The following QTMAN variants were observed in gnomAD, a reference collection of about 807,000 sequenced individuals.
The protein encoded by QTMAN is tRNA-queuosine alpha-mannosyltransferase.
the QTMAN span, among the ~76,000 whole-genome samples, chr2:144,230,881 C>A: frequency 6.6e-6 from 1 of 152,070 alleles, no homozygotes; most frequent in South Asian, 2.1e-4. Flanking sequence ...ATGAAGCTAA[C>A]TCAAAAAGCT....
At chr2:143,996,860 T>C in the QTMAN span, among the ~76,000 whole-genome samples, 21 of 152,044 alleles carry the variant, frequency 1.4e-4, no homozygotes. Context: ...GGGAAAGAAA[T>C]GACAAGAGTT....
At chr2:143,986,740 T>G in the QTMAN span, among the ~76,000 whole-genome samples, 2 of 152,284 alleles carry the variant, frequency 1.3e-5, no homozygotes, top group South Asian at 2.1e-4. Context: ...CATAACACAT[T>G]AAGATATTAG....
the QTMAN span, among the ~76,000 whole-genome samples, chr2:143,993,404 C>CAA: frequency 1.6e-5 from 2 of 122,864 alleles, no homozygotes; most frequent in Non-Finnish European, 3.5e-5. Flanking sequence ...ACATGGCAAG[C>CAA]AAAAAAAAAA....
chr2:143,942,351 A>G, the QTMAN span: 3,617 of 167,282 alleles, frequency 0.022, 74 homozygotes, highest in Non-Finnish European at 0.029. Flanking sequence ...TGTGCCTCAC[A>G]TGCAGCAAGG....
chr2:143,950,497 G>C, the QTMAN span, among the ~76,000 whole-genome samples: 1 of 151,414 alleles, frequency 6.6e-6, no homozygotes, highest in Non-Finnish European at 1.5e-5. Context: ...AGAATAACAG[G>C]GTTAAGCAAT....
chr2:144,200,700 A>G, the QTMAN span, among the ~76,000 whole-genome samples: 1 of 152,208 alleles, frequency 6.6e-6, no homozygotes, highest in Non-Finnish European at 1.5e-5. Flanking sequence ...CCAGAAAATC[A>G]TATTTTCTTT....
chr2:144,152,957 G>A, the QTMAN span, among the ~76,000 whole-genome samples: 1 of 152,190 alleles, frequency 6.6e-6, no homozygotes, highest in Non-Finnish European at 1.5e-5. Context: ...TGGCCACTCA[G>A]TGGAAGAAAA....
the QTMAN span, chr2:144,237,480 GACA>G: frequency 6.6e-5 from 10 of 152,234 alleles, no homozygotes; most frequent in African/African-American, 2.4e-4. Flanking sequence ...ATATAAACCT[GACA>G]ACAAGTAAAT....
At chr2:144,014,206 T>A in the QTMAN span, among the ~76,000 whole-genome samples, 1 of 152,170 alleles carries the variant, frequency 6.6e-6, no homozygotes, top group Admixed American at 6.6e-5. Flanking sequence ...GTGGCACATG[T>A]CTATGAAGGA....
At chr2:144,156,994 G>A in the QTMAN span, among the ~76,000 whole-genome samples, 1 of 152,028 alleles carries the variant, frequency 6.6e-6, no homozygotes, top group Non-Finnish European at 1.5e-5. Context: ...GAACCAGTGT[G>A]AAATCAGTAA....
At chr2:143,947,787 T>TA in the QTMAN span, among the ~76,000 whole-genome samples, 4 of 151,712 alleles carry the variant, frequency 2.6e-5, no homozygotes, top group East Asian at 3.9e-4. Flanking sequence ...TCTGTGATGC[T>TA]AAAAGGTTTT....
At chr2:143,965,683 G>A in the QTMAN span, among the ~76,000 whole-genome samples, 1 of 152,106 alleles carries the variant, frequency 6.6e-6, no homozygotes, top group Non-Finnish European at 1.5e-5. Context: ...CCTACTAGAC[G>A]CCAGGAGCAC....
the QTMAN span, among the ~76,000 whole-genome samples, chr2:144,300,846 G>C: frequency 6.6e-6 from 1 of 152,104 alleles, no homozygotes; most frequent in East Asian, 1.9e-4. Context: ...CCAGCCTCTT[G>C]ATGATTATAT....
chr2:144,313,897 G>A, the QTMAN span, among the ~76,000 whole-genome samples: 2 of 151,068 alleles, frequency 1.3e-5, no homozygotes, highest in African/African-American at 2.4e-5. Flanking sequence ...AATATTCTTG[G>A]TACAAAATAC....
At chr2:144,226,371 A>AT in the QTMAN span, among the ~76,000 whole-genome samples, 1 of 152,170 alleles carries the variant, frequency 6.6e-6, no homozygotes, top group Non-Finnish European at 1.5e-5. Flanking sequence ...GAGGGCTAAT[A>AT]TTTTACATGC....
At chr2:144,004,994 C>T in the QTMAN span, among the ~76,000 whole-genome samples, 1 of 151,972 alleles carries the variant, frequency 6.6e-6, no homozygotes, top group South Asian at 2.1e-4. Flanking sequence ...TGGTTATGGG[C>T]ACACAATAGT....
At chr2:144,072,332 T>C in the QTMAN span, among the ~76,000 whole-genome samples, 1 of 152,196 alleles carries the variant, frequency 6.6e-6, no homozygotes, top group East Asian at 1.9e-4. Flanking sequence ...TAAAGGAGTG[T>C]CAGAGTGTAT....
the QTMAN span, among the ~76,000 whole-genome samples, chr2:144,040,924 C>T: frequency 6.6e-6 from 1 of 152,180 alleles, no homozygotes; most frequent in African/African-American, 2.4e-5. Flanking sequence ...ACTGAAATAA[C>T]TTCTCTTCCA....
the QTMAN span, chr2:144,142,061 A>C: frequency 6.2e-7 from 1 of 1,604,322 alleles, no homozygotes; most frequent in Non-Finnish European, 8.5e-7. Context: ...CCAGGCTGTA[A>C]AGGTAAAAGA....
Sources: gnomAD v4.1 joint callset for allele counts (sites outside exome capture counted in the v4.1 genomes callset) on GRCh38, gnomAD v4.1.1 for gene constraint, MANE v1.5 for transcripts, NCBI Gene and HGNC (gene_info 2026-07-23, HGNC 2026-07-21) for gene names.